Variants in SLC22A24 observed in about 807,000 individuals in gnomAD.
SLC22A24 encodes the protein solute carrier family 22 member 24.
A neutral mutation model predicts 49.8 loss-of-function variants in SLC22A24; 53 were observed. The ratio of observed to expected loss-of-function variants is 1.06; its 90% CI spans 0.85 to 1.34. The LOEUF (loss-of-function observed/expected upper bound fraction) is 1.34, where lower values mean the gene tolerates loss of function less well. Ranked by LOEUF, SLC22A24 falls within the 40% of genes most tolerant of loss-of-function variation. SLC22A24 has a pLI of 0.00. For synonymous variants in SLC22A24, 302 were observed against 256.4 expected, an observed-to-expected ratio of 1.18 and a Z score of -1.70; for missense variants, 786 against 675.9, an observed-to-expected ratio of 1.16 and a Z score of -1.81.
intron 2 of SLC22A24, among the ~76,000 whole-genome samples, chr11:63,123,514 T>C (rs2087266699): frequency 6.6e-6 from 1 of 152,192 alleles, no homozygotes; most frequent in South Asian, 2.1e-4. Context: ...TGAATATCCA[T>C]TATATACAAC....
chr11:63,138,188 G>A, intron 1 of SLC22A24, among the ~76,000 whole-genome samples: 1 of 152,122 alleles, frequency 6.6e-6, no homozygotes, highest in African/African-American at 2.4e-5. Flanking sequence ...AATACTGTAT[G>A]AGATTTCTAT....
intron 6 of SLC22A24, among the ~76,000 whole-genome samples, chr11:63,086,368 A>G (rs141380882): frequency 6.6e-6 from 1 of 152,354 alleles, no homozygotes; most frequent in Non-Finnish European, 1.5e-5. Context: ...AAGAGGAACA[A>G]GATCCTGTCC....
intron 9 of SLC22A24, 50 bp downstream of exon 9, chr11:63,080,870 A>T (rs369807279): frequency 1.1e-5 from 17 of 1,479,514 alleles, no homozygotes; most frequent in Non-Finnish European, 1.6e-5. Context: ...TTAAACAGCT[A>T]CAGCACATAG....
chr11:63,117,502 C>T (rs747484561), intron 4 of SLC22A24, among the ~76,000 whole-genome samples: 12 of 152,102 alleles, frequency 7.9e-5, no homozygotes, highest in Non-Finnish European at 1.8e-4. Context: ...GAGGTGAGAG[C>T]TTAGGGACTT....
chr11:63,101,739 G>A (rs1590734487), intron 5 of SLC22A24, among the ~76,000 whole-genome samples: 1 of 152,154 alleles, frequency 6.6e-6, no homozygotes, highest in East Asian at 1.9e-4. Context: ...ACGTATACAT[G>A]GAGTACTATT....
intron 6 of SLC22A24, among the ~76,000 whole-genome samples, chr11:63,087,142 G>T (rs1034655800): frequency 6.6e-6 from 1 of 151,842 alleles, no homozygotes; most frequent in African/African-American, 2.4e-5. Context: ...TCAGGGAGGG[G>T]CCAAGATGGC....
intron 4 of SLC22A24, among the ~76,000 whole-genome samples, chr11:63,111,057 A>T (rs1487557243): frequency 3.3e-5 from 5 of 152,006 alleles, no homozygotes; most frequent in African/African-American, 1.2e-4. Flanking sequence ...TTTTAGCATG[A>T]AGGGTTGTTG....
At chr11:63,124,593 C>T in intron 2 of SLC22A24, among the ~76,000 whole-genome samples, 1 of 152,270 alleles carries the variant, frequency 6.6e-6, no homozygotes, top group East Asian at 1.9e-4. Flanking sequence ...GGTCATCTTA[C>T]AAATCTGAGC....
At chr11:63,084,082 A>C (rs529998319) in intron 6 of SLC22A24, among the ~76,000 whole-genome samples, 1 of 152,306 alleles carries the variant, frequency 6.6e-6, no homozygotes, top group African/African-American at 2.4e-5. Context: ...CATATCAACC[A>C]CCAAGGTCAG....
At chr11:63,138,866 A>T (rs112717059) in intron 1 of SLC22A24, among the ~76,000 whole-genome samples, 1 of 151,978 alleles carries the variant, frequency 6.6e-6, no homozygotes, top group Non-Finnish European at 1.5e-5. Context: ...ATAGCTTTTG[A>T]TTTCCTCTGT....
chr11:63,081,210 G>A, intron 8 of SLC22A24, 87 bp from the exon 9 acceptor site: 1 of 1,106,758 alleles, frequency 9.0e-7, no homozygotes, highest in Non-Finnish European at 1.3e-6. Flanking sequence ...ATGGGGACCA[G>A]TACAACAGAG....
chr11:63,143,792 G>C lies in SLC22A24; in HGVS notation c.-13C>G. On this transcript the variant is annotated 5_prime_UTR_variant, in exon 1 of 10. Coordinates refer to ENST00000612278, the MANE Select transcript of SLC22A24 (RefSeq NM_001136506.2). The stretch of plus-strand genomic sequence containing the variant: ...CATCAAAGCCCATTGAGACTGAACA[G>C]GTGATCCCCAAGAGGAAGCACAATG... 7.3e-7 allele frequency: 1 copy of C among 1,361,546 alleles called. No individual in the cohort carries two copies. Among genetic ancestry groups the C allele is most frequent in the Non-Finnish European group, 9.5e-7 (1 of 1,052,390 alleles). 84.3% of individuals were successfully genotyped at this position (1,361,546 alleles called of 1,614,324 possible). A position where few individuals can be genotyped will look rare whatever the true frequency, so the allele number is the denominator to read the frequency against.
chr11:63,122,755 C>T (rs1317272866), intron 2 of SLC22A24, among the ~76,000 whole-genome samples: 1 of 152,062 alleles, frequency 6.6e-6, no homozygotes, highest in South Asian at 2.1e-4. Flanking sequence ...CTCCTGACTT[C>T]GTGATCCGCT....
intron 1 of SLC22A24, among the ~76,000 whole-genome samples, chr11:63,141,348 A>T (rs2087414473): frequency 6.6e-6 from 1 of 152,122 alleles, no homozygotes; most frequent in Non-Finnish European, 1.5e-5. Flanking sequence ...GAGAGGGAGG[A>T]GACAGATTTA....
At chr11:63,110,562 A>C (rs1199328843) in intron 4 of SLC22A24, among the ~76,000 whole-genome samples, 4 of 120,342 alleles carry the variant, frequency 3.3e-5, no homozygotes, top group South Asian at 3.2e-4. Flanking sequence ...GAGGTCCTTC[A>C]CATCCCTTGT....
In SLC22A24 at chr11:63,128,314, G is replaced by A. The variant is rs986289202; in HGVS notation, c.506+6351C>T. Among the ~76,000 whole-genome samples the A allele has an allele frequency of 2.4e-4, 36 of 152,116 alleles. 1 individual carries two copies. The highest frequency in any genetic ancestry group is 8.4e-4 in the African/African-American group (35 of 41,510). ...TCCTTGGTCTAGCAGTAACACCAGC[G>A]CCTGGGAAGACACCTGTTACCTAGC... On this transcript the variant is annotated intron_variant, in intron 2 of 9. Coordinates refer to ENST00000612278, the MANE Select transcript of SLC22A24 (RefSeq NM_001136506.2).
chr11:63,110,881 CTA>C (rs929925164), intron 4 of SLC22A24, among the ~76,000 whole-genome samples: 3 of 148,834 alleles, frequency 2.0e-5, no homozygotes, highest in Non-Finnish European at 3.0e-5. Flanking sequence ...ACTTCCAACA[CTA>C]TGTTGAATAG....
At chr11:63,104,744 T>A (rs901154230) in intron 4 of SLC22A24, among the ~76,000 whole-genome samples, 1 of 152,042 alleles carries the variant, frequency 6.6e-6, no homozygotes. Context: ...GGAGAAACCA[T>A]CCCTATGATT....
At chr11:63,125,092 T>C (rs964044687) in intron 2 of SLC22A24, among the ~76,000 whole-genome samples, 3 of 138,132 alleles carry the variant, frequency 2.2e-5, no homozygotes, top group African/African-American at 7.8e-5. Flanking sequence ...ACCCTAAAAC[T>C]TAAAGTATAA....
Sources: allele counts gnomAD v4.1 joint callset (sites outside exome capture counted in the v4.1 genomes callset), GRCh38; gene constraint gnomAD v4.1.1; transcripts MANE v1.5; gene names NCBI Gene and HGNC (gene_info 2026-07-23, HGNC 2026-07-21).